ICAM2: variants seen among roughly 807,000 people sequenced by gnomAD.
The protein encoded by ICAM2 is intercellular adhesion molecule 2.
A neutral mutation model predicts 19.1 loss-of-function variants in ICAM2; 14 were observed. The ratio of observed to expected loss-of-function variants is 0.73; its 90% CI spans 0.48 to 1.15. The LOEUF (loss-of-function observed/expected upper bound fraction) is 1.15, where lower values mean the gene tolerates loss of function less well. Ranked by LOEUF, ICAM2 falls within the 50% of genes most tolerant of loss-of-function variation. The pLI is 0.00. For missense variants in ICAM2, 311 were observed against 355.4 expected, an observed-to-expected ratio of 0.88 and a Z score of 1.00; for synonymous variants, 153 against 152.7, an observed-to-expected ratio of 1.00 and a Z score of -0.01.
chr17:64,006,711 C>T lies in ICAM2; in HGVS notation c.-20G>A, dbSNP rs367620513. ...GGACATCTCTGGCAGTCTCCACGGG[C>T]TCGCAGGGACCAGCCAAGGGCTGCC... is the stretch of plus-strand genomic sequence containing the variant. On this transcript the variant is annotated 5_prime_UTR_variant, in exon 2 of 5. Coordinates refer to ENST00000579788, the MANE Select transcript of ICAM2 (RefSeq NM_001099789.2). The T allele has an allele frequency of 6.2e-7, 1 of 1,613,384 alleles. No individual in the cohort carries two copies. Among genetic ancestry groups the T allele is most frequent in the Non-Finnish European group, 8.5e-7 (1 of 1,179,486 alleles).
chr17:64,014,335 G>GGAAAGAAAGAAAGAAAGAAAA, intron 1 of ICAM2, among the ~76,000 whole-genome samples: 1 of 40,384 alleles, frequency 2.5e-5, no homozygotes, highest in Non-Finnish European at 5.1e-5. Context: ...AGGAAGGAAA[G>GGAAAGAAAGAAAGAAAGAAAA]AAAGAAAGAA....
rs1186495158 is a variant in ICAM2 at position 64,003,744 on chromosome 17, A to G, written c.549T>C (p.Asp183=). The change falls in exon 4 of 5, where the codon GAT becomes GAC. Residue 183 remains aspartate (D), a synonymous_variant. Transcript: ENST00000579788. ...ATFNSTADRE[D]GHRNFSCLAV... is the part of the protein sequence containing the mutation. ...CCAGGCAGGAGAAGTTGCGGTGGCCATCCTCTCTGTCAGCCGTGCTGTTGA... is the reference window on the plus strand; with the variant it reads ...CCAGGCAGGAGAAGTTGCGGTGGCCGTCCTCTCTGTCAGCCGTGCTGTTGA... 6.2e-7 allele frequency: 1 copy of G among 1,614,104 alleles called. No individual in the cohort carries two copies. Among genetic ancestry groups the G allele is most frequent in the African/African-American group, 1.3e-5 (1 of 74,938 alleles).
intron 1 of ICAM2, among the ~76,000 whole-genome samples, chr17:64,008,675 G>A (rs891437554): frequency 1.3e-5 from 2 of 152,172 alleles, no homozygotes; most frequent in African/African-American, 2.4e-5. Flanking sequence ...CCGAGCAGGC[G>A]CAAGAAGAGG....
At chr17:64,013,913 C>T (rs753898345) in intron 1 of ICAM2, among the ~76,000 whole-genome samples, 4 of 151,292 alleles carry the variant, frequency 2.6e-5, no homozygotes, top group East Asian at 3.9e-4. Flanking sequence ...AGTAATGATG[C>T]GGACAGAAAA....
Position 64,006,665 on chromosome 17 carries a change from C to A in ICAM2, c.27G>T (p.Leu9=). MSSFGYRT[L]TVALFTLICC... ...AGATCAGGGTGAAGAGGGCCACAGT[C>A]AGGGTCCTGTAACCGAAAGAGGACA... Residue 9 remains leucine, a synonymous_variant, in exon 2 of 5, where the codon CTG becomes CTT. Transcript: ENST00000579788. The A allele has an allele frequency of 6.2e-7, 1 of 1,614,196 alleles. No individual in the cohort carries two copies. Among genetic ancestry groups the A allele is most frequent in the Middle Eastern group, 1.6e-4 (1 of 6,062 alleles).
At chr17:64,006,412 A>G in intron 2 of ICAM2, 1 of 521,760 alleles carries the variant, frequency 1.9e-6, no homozygotes, top group Non-Finnish European at 3.4e-6. Flanking sequence ...CTGAGGTGGG[A>G]GGATCACCCG....
At chr17:64,013,181 G>A (rs976881796) in intron 1 of ICAM2, among the ~76,000 whole-genome samples, 1 of 152,108 alleles carries the variant, frequency 6.6e-6, no homozygotes, top group African/African-American at 2.4e-5. Flanking sequence ...ACATGGTGGC[G>A]TGTGCCTGTG....
intron 2 of ICAM2, 76 bp downstream of exon 2, chr17:64,006,555 A>T (rs1184157327): frequency 7.7e-7 from 1 of 1,294,246 alleles, no homozygotes; most frequent in Non-Finnish European, 1.1e-6. Flanking sequence ...CTTCCACCTG[A>T]AGCCACAGGG....
intron 4 of ICAM2, 74 bp from the exon 5 acceptor site, chr17:64,002,999 C>T (rs1217314279): frequency 1.4e-6 from 2 of 1,433,268 alleles, no homozygotes; most frequent in Non-Finnish European, 9.6e-7. Flanking sequence ...GAGTGGAAGT[C>T]CACCCCCAAC....
chr17:64,010,132 G>T (rs1911392496), intron 1 of ICAM2, among the ~76,000 whole-genome samples: 1 of 152,120 alleles, frequency 6.6e-6, no homozygotes, highest in Non-Finnish European at 1.5e-5. Flanking sequence ...CTCCTCATTT[G>T]GCACCCCGGG....
At chr17:64,014,371 GA>G (rs1567849309) in intron 1 of ICAM2, among the ~76,000 whole-genome samples, 22 of 56,164 alleles carry the variant, frequency 3.9e-4, no homozygotes, top group African/African-American at 1.3e-3. Flanking sequence ...AAGAAAGAAA[GA>G]AAGAAAGGAA....
At position 64,007,495 on chromosome 17, in the gene ICAM2, C is replaced by G. The variant is rs3760236; in HGVS notation, c.-44-760G>C. Reference sequence around the variant, plus strand: ...TAGGCTGGTCTTGAACTCCTGACCTCAGGTGATCTGCCTGCCTTGGCCTCC... The same window carrying G: ...TAGGCTGGTCTTGAACTCCTGACCTGAGGTGATCTGCCTGCCTTGGCCTCC... On this transcript the variant is annotated intron_variant, in intron 1 of 4. Transcript: ENST00000579788. Among the ~76,000 whole-genome samples, 45 of 152,288 alleles carry G rather than the reference C, an allele frequency of 3.0e-4. No individual in the cohort carries two copies. The East Asian group carries it at 5.6e-3, about 19-fold the overall frequency.
In ICAM2 at chr17:64,005,413, C is replaced by A. The variant is rs577505759; in HGVS notation, c.62-40G>T. ...ACACTGGGCAGTCGTGTCATCCCCC[C>A]ACCCCCTGCCCTCCAGTGGAGCTGT... On this transcript the variant is annotated intron_variant, in intron 2 of 4. Coordinates refer to ENST00000579788, the MANE Select transcript of ICAM2 (RefSeq NM_001099789.2). The A allele has an allele frequency of 5.6e-6, 9 of 1,593,970 alleles. No homozygotes were observed. The East Asian group carries it at 1.8e-4, about 32-fold the overall frequency.
At chr17:64,004,009 G>C (rs374671405) in intron 3 of ICAM2, 45 bp from the exon 4 acceptor site, 17 of 1,435,634 alleles carry the variant, frequency 1.2e-5, no homozygotes, top group Non-Finnish European at 1.6e-5. Context: ...TGGGGGTGCA[G>C]TCCCAGCAGC....
chr17:64,011,276 C>T (rs537613546), intron 1 of ICAM2, among the ~76,000 whole-genome samples: 25 of 152,292 alleles, frequency 1.6e-4, no homozygotes, highest in Non-Finnish European at 2.9e-4. Flanking sequence ...TCCTGGCTAA[C>T]ACGGTGAAAC....
At chr17:64,014,824 C>G (rs1207857325) in intron 1 of ICAM2, among the ~76,000 whole-genome samples, 1 of 152,032 alleles carries the variant, frequency 6.6e-6, no homozygotes, top group Non-Finnish European at 1.5e-5. Flanking sequence ...GCCTATAATC[C>G]TAGCACTTTG....
At position 64,002,854 on chromosome 17, in the gene ICAM2, A is replaced by G. The variant is rs758274730; in HGVS notation, c.721T>C (p.Ser241Pro). The G allele has an allele frequency of 6.2e-7, 1 of 1,614,010 alleles. No individual in the cohort carries two copies. The highest frequency in any genetic ancestry group is 1.7e-5 in the Admixed American group (1 of 60,018). The change falls in exon 5 of 5, where the codon TCT becomes CCT. Residue 241 changes from serine to proline, a missense_variant. Transcript: ENST00000579788. ...CCGAAGATGAAGCAGAGCAGGACAGATGTCACGAACAGGGACAGCAACACC... is the reference window on the plus strand; with the variant it reads ...CCGAAGATGAAGCAGAGCAGGACAGGTGTCACGAACAGGGACAGCAACACC... The part of the protein sequence containing the change: ...VSVLLSLFVT[S>P]VLLCFIFGQH...
Position 64,005,368 on chromosome 17 carries a change from C to G in ICAM2, c.67G>C (p.Asp23His). The G allele has an allele frequency of 6.2e-7, 1 of 1,612,374 alleles. No homozygotes were observed. Residue 23 changes from aspartate (D) to histidine (H), a missense_variant, in exon 3 of 5, where the codon GAT (aspartate) becomes CAT (histidine). Transcript: ENST00000579788. The part of the protein sequence containing the change: ...LFTLICCPGS[D>H]EKVFEVHVRP... ...ACGTGTACCTCGAATACCTTCTCAT[C>G]CGATCCTGGAAAACCAGAAACACTG...
chr17:64,017,655 T>C (rs913238666), intron 1 of ICAM2, among the ~76,000 whole-genome samples: 1 of 152,072 alleles, frequency 6.6e-6, no homozygotes, highest in African/African-American at 2.4e-5. Context: ...ATGAATAAGG[T>C]GAGGGATTTG....
Sources: allele counts gnomAD v4.1 joint callset (sites outside exome capture counted in the v4.1 genomes callset), GRCh38; gene constraint gnomAD v4.1.1; transcripts MANE v1.5; gene names NCBI Gene and HGNC (gene_info 2026-07-23, HGNC 2026-07-21).